The following PTPRK variants were observed in gnomAD, a reference collection of about 807,000 sequenced individuals.
PTPRK encodes receptor-type tyrosine-protein phosphatase kappa.
Under a neutral mutation model 178.0 loss-of-function variants are expected in PTPRK, and 75 were observed. The ratio of observed to expected loss-of-function variants is 0.42; its 90% CI spans 0.35 to 0.51. PTPRK has a LOEUF of 0.51. PTPRK is among the 20% of genes least tolerant of loss of function. The pLI is 0.02. For missense variants in PTPRK, 1,441 were observed against 1,797.8 expected (o/e 0.80, Z 3.59); for synonymous variants, 637 against 620.6 (o/e 1.03, Z -0.39).
chr6:128,111,589 A>AGGCC (rs1235996608), intron 7 of PTPRK, among the ~76,000 whole-genome samples: 1 of 151,424 alleles, frequency 6.6e-6, no homozygotes, highest in Admixed American at 6.6e-5. Context: ...TTTTATGCTT[A>AGGCC]CTTAAAATGT....
At chr6:128,158,125 G>A (rs1021657537) in intron 7 of PTPRK, among the ~76,000 whole-genome samples, 2 of 151,886 alleles carry the variant, frequency 1.3e-5, no homozygotes, top group South Asian at 2.1e-4. Context: ...AAGGTGTAAG[G>A]AAGGGATCCA....
chr6:128,493,591 TACACACACACACACACACAC>T (rs59656384), intron 1 of PTPRK, among the ~76,000 whole-genome samples: 11,021 of 124,026 alleles, frequency 0.089, 641 homozygotes, highest in African/African-American at 0.18. Flanking sequence ...TCCCGCCCCC[TACACACACACACACACACAC>T]ACACACACAC....
intron 15 of PTPRK, among the ~76,000 whole-genome samples, chr6:128,000,590 T>A (rs1777716948): frequency 6.6e-6 from 1 of 151,896 alleles, no homozygotes; most frequent in African/African-American, 2.4e-5. Flanking sequence ...TTCATGAGAG[T>A]TTCCTGTTCT....
intron 1 of PTPRK, among the ~76,000 whole-genome samples, chr6:128,451,334 A>C (rs1012993746): frequency 1.3e-5 from 2 of 152,228 alleles, no homozygotes; most frequent in Non-Finnish European, 2.9e-5. Context: ...AACAAAACAG[A>C]GTATAAATTG....
At chr6:128,009,109 C>T (rs1323796709) in intron 14 of PTPRK, 21 bp downstream of exon 14, 1 of 1,602,926 alleles carries the variant, frequency 6.2e-7, no homozygotes, top group Admixed American at 1.7e-5. Flanking sequence ...GTGAGTGGGA[C>T]AGGACAATAT....
intron 7 of PTPRK, among the ~76,000 whole-genome samples, chr6:128,118,200 T>G (rs1791874324): frequency 6.6e-6 from 1 of 151,948 alleles, no homozygotes; most frequent in South Asian, 2.1e-4. Flanking sequence ...TCCATCAGAG[T>G]TTTTGGTGAA....
At chr6:128,101,363 CTTCCTGCTTCTAT>C (rs773841951) in intron 7 of PTPRK, among the ~76,000 whole-genome samples, 4 of 152,044 alleles carry the variant, frequency 2.6e-5, no homozygotes, top group Non-Finnish European at 5.9e-5. Context: ...TCATTCTAAC[CTTCCTGCTTCTAT>C]TAAGGATGTT....
intron 3 of PTPRK, among the ~76,000 whole-genome samples, chr6:128,258,378 T>G (rs1156367190): frequency 6.6e-6 from 1 of 152,186 alleles, no homozygotes; most frequent in South Asian, 2.1e-4. Context: ...ATGGTTTAAC[T>G]GGCTAATATC....
chr6:128,502,475 T>C (rs1243004517), intron 1 of PTPRK, among the ~76,000 whole-genome samples: 2 of 152,208 alleles, frequency 1.3e-5, no homozygotes, highest in African/African-American at 4.8e-5. Flanking sequence ...TACACTAAAC[T>C]GTTCAATTAG....
chr6:128,173,735 C>T (rs1429105071), intron 7 of PTPRK, among the ~76,000 whole-genome samples: 2 of 151,960 alleles, frequency 1.3e-5, no homozygotes, highest in African/African-American at 4.8e-5. Flanking sequence ...TCTCTTTCAA[C>T]ACCTGTCTCC....
chr6:128,150,636 CTGTTA>C (rs1797116478), intron 7 of PTPRK, among the ~76,000 whole-genome samples: 1 of 152,048 alleles, frequency 6.6e-6, no homozygotes, highest in African/African-American at 2.4e-5. Context: ...AAAATGTGCC[CTGTTA>C]TAATATTATA....
At chr6:128,457,780 T>A (rs191192759) in intron 1 of PTPRK, among the ~76,000 whole-genome samples, 3 of 152,290 alleles carry the variant, frequency 2.0e-5, no homozygotes, top group African/African-American at 7.2e-5. Context: ...TATATATAGG[T>A]GCACATATGC....
chr6:128,142,347 C>T, intron 7 of PTPRK, among the ~76,000 whole-genome samples: 1 of 151,712 alleles, frequency 6.6e-6, no homozygotes, highest in Non-Finnish European at 1.5e-5. Flanking sequence ...TACCACAGGC[C>T]ATAAGATCTT....
At chr6:127,990,672 G>T in intron 21 of PTPRK, 97 bp downstream of exon 21, 1 of 747,598 alleles carries the variant, frequency 1.3e-6, no homozygotes, top group Non-Finnish European at 2.3e-6. Flanking sequence ...ATGAATGAAT[G>T]GATTTTATAG....
intron 3 of PTPRK, among the ~76,000 whole-genome samples, chr6:128,265,476 AC>A (rs780063336): frequency 6.6e-6 from 1 of 152,122 alleles, no homozygotes; most frequent in Non-Finnish European, 1.5e-5. Flanking sequence ...TCTTGTAACA[AC>A]CCTATGAGGT....
At chr6:128,049,859 A>T (rs1778697378) in intron 13 of PTPRK, among the ~76,000 whole-genome samples, 1 of 152,222 alleles carries the variant, frequency 6.6e-6, no homozygotes, top group South Asian at 2.1e-4. Context: ...AAGATAGGCC[A>T]GGTGCGGTGG....
intron 7 of PTPRK, among the ~76,000 whole-genome samples, chr6:128,143,918 G>A (rs1195140738): frequency 6.6e-6 from 1 of 152,132 alleles, no homozygotes; most frequent in Admixed American, 6.6e-5. Flanking sequence ...ATAATGACTA[G>A]TTCACATTCA....
chr6:128,242,494 A>C (rs1484578886), intron 4 of PTPRK, 27 bp downstream of exon 4: 1 of 1,605,152 alleles, frequency 6.2e-7, no homozygotes, highest in African/African-American at 1.3e-5. Context: ...AGGACATAGA[A>C]AAATACAATT....
chr6:128,266,781 T>C (rs1768346), intron 3 of PTPRK, among the ~76,000 whole-genome samples: 13,868 of 152,086 alleles, frequency 0.091, 1,554 homozygotes, highest in African/African-American at 0.27. Context: ...AACTCGGAAG[T>C]TTTTGTGTGC....
Sources: allele counts gnomAD v4.1 joint callset (sites outside exome capture counted in the v4.1 genomes callset), GRCh38; gene constraint gnomAD v4.1.1; transcripts MANE v1.5; gene names NCBI Gene and HGNC (gene_info 2026-07-23, HGNC 2026-07-21).